The following AR variants were observed in gnomAD, a reference collection of about 807,000 sequenced individuals.
AR encodes androgen receptor.
A neutral mutation model predicts 53.9 loss-of-function variants in AR; 8 were observed. That is an observed-to-expected ratio of 0.15 (90% CI 0.09 to 0.27). The LOEUF is 0.27. AR is among the 10% of genes least tolerant of loss of function. AR has a pLI of 1.00. For synonymous variants in AR, 359 were observed against 316.4 expected (o/e 1.13, Z -1.43); for missense variants, 639 against 742.5 (o/e 0.86, Z 1.62).
At chrX:67,683,629 T>G (rs1005382380) in intron 2 of AR, among the ~76,000 whole-genome samples, 2 of 112,582 alleles carry the variant, frequency 1.8e-5, no homozygotes, top group African/African-American at 6.4e-5. Flanking sequence ...CATCTGGGAT[T>G]TGTGTATTTT....
At chrX:67,568,638 T>A (rs1487928246) in intron 1 of AR, among the ~76,000 whole-genome samples, 1 of 111,897 alleles carries the variant, frequency 8.9e-6, no homozygotes, top group African/African-American at 3.3e-5. Context: ...TCAGAGGGAT[T>A]CTGATCTCTA....
At chrX:67,707,910 T>C (rs1488397811) in intron 3 of AR, among the ~76,000 whole-genome samples, 1 of 111,756 alleles carries the variant, frequency 8.9e-6, no homozygotes, top group African/African-American at 3.3e-5. Context: ...GAAGCTTAGT[T>C]TGGCTGGATA....
At chrX:67,643,202 C>G in intron 1 of AR, 54 bp from the exon 2 acceptor site, 1 of 1,192,999 alleles carries the variant, frequency 8.4e-7, no homozygotes. Context: ...ACTTCACTTG[C>G]CTATTTCTGC....
At chrX:67,611,703 A>G (rs1345855219) in intron 1 of AR, among the ~76,000 whole-genome samples, 1 of 111,579 alleles carries the variant, frequency 9.0e-6, no homozygotes, top group Non-Finnish European at 1.9e-5. Context: ...GTTAGAGCTA[A>G]AAGGGACCTT....
At chrX:67,552,058 A>T (rs1193651456) in intron 1 of AR, among the ~76,000 whole-genome samples, 1 of 112,044 alleles carries the variant, frequency 8.9e-6, no homozygotes, top group Non-Finnish European at 1.9e-5. Context: ...CATACAATTC[A>T]CTCATCTAAA....
At chrX:67,712,777 T>C in intron 4 of AR, among the ~76,000 whole-genome samples, 1 of 112,329 alleles carries the variant, frequency 8.9e-6, no homozygotes, top group African/African-American at 3.2e-5. Context: ...TCAAAGATTC[T>C]TTTGAAATAA....
chrX:67,641,709 T>C (rs969784166), intron 1 of AR, among the ~76,000 whole-genome samples: 1 of 111,196 alleles, frequency 9.0e-6, no homozygotes, highest in Non-Finnish European at 1.9e-5. Flanking sequence ...ATCAGTAGAA[T>C]TTTTTATTGC....
At chrX:67,713,595 T>G (rs2076101971) in intron 4 of AR, among the ~76,000 whole-genome samples, 1 of 111,964 alleles carries the variant, frequency 8.9e-6, no homozygotes, top group African/African-American at 3.2e-5. Context: ...TATTTCCATT[T>G]CACATGCCAA....
rs2076155395 is a variant in AR, at chrX:67,725,833, G to A, written c.*1992G>A. On this transcript the variant is annotated 3_prime_UTR_variant, in exon 8 of 8. Coordinates refer to ENST00000374690, the MANE Select transcript of AR (RefSeq NM_000044.6). Reference sequence around the variant, plus strand: ...ATACTTTGCCACCCATGAACTCAGGGTGTGCCCTGGGACACTGGTTTTATA... The same window carrying A: ...ATACTTTGCCACCCATGAACTCAGGATGTGCCCTGGGACACTGGTTTTATA... The A allele has an allele frequency of 5.7e-6, 1 of 174,062 alleles. No individual in the cohort carries two copies. Among genetic ancestry groups the A allele is most frequent in the African/African-American group, 3.0e-5 (1 of 33,788 alleles). The allele number at this position is 174,062 out of a possible 1,213,427, so 14.3% of individuals were successfully genotyped here. A position where few individuals can be genotyped will look rare whatever the true frequency, so the allele number is the denominator to read the frequency against.
At chrX:67,679,870 T>C (rs2075922850) in intron 2 of AR, among the ~76,000 whole-genome samples, 1 of 111,938 alleles carries the variant, frequency 8.9e-6, no homozygotes, top group Non-Finnish European at 1.9e-5. Context: ...TTGAGTTTTA[T>C]AATGGTGTTT....
At chrX:67,669,361 CTT>C in intron 2 of AR, among the ~76,000 whole-genome samples, 1 of 111,264 alleles carries the variant, frequency 9.0e-6, no homozygotes, top group Non-Finnish European at 1.9e-5. Context: ...CAAAATTCCT[CTT>C]GTTATTGATT....
intron 1 of AR, among the ~76,000 whole-genome samples, chrX:67,558,568 C>T (rs1217527761): frequency 9.0e-6 from 1 of 111,516 alleles, no homozygotes; most frequent in Non-Finnish European, 1.9e-5. Flanking sequence ...CACTGATCCT[C>T]ACCAAATAGG....
intron 1 of AR, among the ~76,000 whole-genome samples, chrX:67,612,219 T>G (rs1392347989): frequency 8.9e-6 from 1 of 112,646 alleles, no homozygotes; most frequent in East Asian, 2.8e-4. Flanking sequence ...GGCTGCTAAC[T>G]GCATTCTCAT....
In AR at chrX:67,730,173, AAAGAAAT is replaced by A. The variant is rs768253029; in HGVS notation, c.*6338_*6344del. On this transcript the variant is annotated 3_prime_UTR_variant, in exon 8 of 8. Coordinates refer to ENST00000374690, the MANE Select transcript of AR (RefSeq NM_000044.6). ...AATTAATTTTCAATATTGAAGGAAA[AAAGAAAT>A]AAGAAGAGAGAGAGAAAGAAAGCAT... The A allele has an allele frequency of 3.1e-3, 254 of 82,175 alleles. 1 individual carries two copies. The highest frequency in any genetic ancestry group is 0.017 in the Middle Eastern group (6 of 349). 6.8% of individuals were successfully genotyped at this position (82,175 alleles called of 1,213,427 possible).
chrX:67,675,911 T>G (rs1033001739), intron 2 of AR, among the ~76,000 whole-genome samples: 1 of 111,251 alleles, frequency 9.0e-6, no homozygotes, highest in African/African-American at 3.3e-5. Context: ...TCAAAGCAGT[T>G]GGGATGGAGG....
chrX:67,701,709 CAT>C (rs1401365957), intron 3 of AR, among the ~76,000 whole-genome samples: 4 of 109,571 alleles, frequency 3.7e-5, no homozygotes, highest in South Asian at 3.8e-4. Flanking sequence ...CACACACACA[CAT>C]GCACACACAC....
intron 1 of AR, among the ~76,000 whole-genome samples, chrX:67,638,441 C>T (rs1925565788): frequency 8.9e-6 from 1 of 112,035 alleles, no homozygotes; most frequent in Non-Finnish European, 1.9e-5. Context: ...CTCCCACCAA[C>T]AATGTAAAAG....
intron 3 of AR, among the ~76,000 whole-genome samples, chrX:67,710,846 C>T (rs1041281563): frequency 1.8e-5 from 2 of 111,749 alleles, no homozygotes; most frequent in African/African-American, 6.5e-5. Context: ...CTATCAAATA[C>T]TATCTTCCAT....
At chrX:67,656,887 C>A (rs1425848403) in intron 2 of AR, among the ~76,000 whole-genome samples, 1 of 109,130 alleles carries the variant, frequency 9.2e-6, no homozygotes. Context: ...GAAACACAGT[C>A]ATTCTCTCAA....
Sources: allele counts gnomAD v4.1 joint callset (sites outside exome capture counted in the v4.1 genomes callset), GRCh38; gene constraint gnomAD v4.1.1; transcripts MANE v1.5; gene names NCBI Gene and HGNC (gene_info 2026-07-23, HGNC 2026-07-21).